Variants in IGSF11 observed in about 807,000 individuals in gnomAD.
IGSF11 encodes the protein CXADR like 1.
In IGSF11, 22 loss-of-function variants were observed where a neutral mutation model predicts 41.0. The observed-to-expected ratio is 0.54, with a 90% CI of 0.38 to 0.77. IGSF11 has a LOEUF of 0.77. IGSF11 is among the 30% of genes least tolerant of loss of function. The pLI is 0.00. For synonymous variants in IGSF11, 219 were observed against 201.3 expected (o/e 1.09, Z -0.74); for missense variants, 444 against 530.8 (o/e 0.84, Z 1.61).
chr3:119,121,723 A>G (rs1225566850), intron 1 of IGSF11, among the ~76,000 whole-genome samples: 1 of 152,216 alleles, frequency 6.6e-6, no homozygotes, highest in Non-Finnish European at 1.5e-5. Flanking sequence ...ATGAACTCCG[A>G]GTAGAATAAA....
intron 1 of IGSF11, among the ~76,000 whole-genome samples, chr3:118,955,039 C>T (rs1374833785): frequency 2.6e-5 from 4 of 152,132 alleles, no homozygotes; most frequent in African/African-American, 7.2e-5. Flanking sequence ...CCATTTGATC[C>T]AGCAATCCCA....
At chr3:119,142,274 C>CA (rs11328968) in intron 1 of IGSF11, among the ~76,000 whole-genome samples, 3,851 of 81,600 alleles carry the variant, frequency 0.047, 131 homozygotes, top group Non-Finnish European at 0.062. Context: ...GACTCCATCT[C>CA]AAAAAAAAAA....
At chr3:118,988,618 C>G (rs184226067) in intron 1 of IGSF11, among the ~76,000 whole-genome samples, 34 of 152,246 alleles carry the variant, frequency 2.2e-4, no homozygotes, top group Middle Eastern at 3.4e-3. Context: ...TGCATGGCAG[C>G]TGGCTGTCCT....
At chr3:118,960,039 C>T (rs1270396983) in intron 1 of IGSF11, among the ~76,000 whole-genome samples, 5 of 142,652 alleles carry the variant, frequency 3.5e-5, no homozygotes, top group East Asian at 2.0e-4. Flanking sequence ...AGCGAGACTC[C>T]GTCTCAAAAA....
At chr3:119,136,029 C>T (rs959717426) in intron 1 of IGSF11, among the ~76,000 whole-genome samples, 3 of 152,080 alleles carry the variant, frequency 2.0e-5, no homozygotes, top group Non-Finnish European at 4.4e-5. Context: ...CACTTGGACA[C>T]GGGGAAGGGA....
chr3:119,118,053 A>T (rs2077283156), intron 1 of IGSF11, among the ~76,000 whole-genome samples: 1 of 152,140 alleles, frequency 6.6e-6, no homozygotes, highest in African/African-American at 2.4e-5. Flanking sequence ...ACGGGCTGGC[A>T]TTGAATGTCT....
chr3:119,025,024 A>G (rs1355525608), intron 1 of IGSF11, among the ~76,000 whole-genome samples: 1 of 152,208 alleles, frequency 6.6e-6, no homozygotes, highest in African/African-American at 2.4e-5. Context: ...AATAAATTTT[A>G]AAAATAAGAC....
At chr3:119,090,091 T>C (rs1327063404) in intron 1 of IGSF11, among the ~76,000 whole-genome samples, 1 of 152,118 alleles carries the variant, frequency 6.6e-6, no homozygotes, top group Non-Finnish European at 1.5e-5. Flanking sequence ...AGCATTTCTA[T>C]ATACTGACAG....
chr3:119,105,040 A>G, intron 1 of IGSF11: 1 of 667,482 alleles, frequency 1.5e-6, no homozygotes, highest in East Asian at 2.7e-5. Flanking sequence ...TAGTAGGAGA[A>G]TATACATAGA....
At chr3:119,024,039 T>C (rs953229131) in intron 1 of IGSF11, among the ~76,000 whole-genome samples, 3 of 152,196 alleles carry the variant, frequency 2.0e-5, no homozygotes, top group African/African-American at 7.2e-5. Flanking sequence ...CTTGTCCAGC[T>C]CCCTGTAGCT....
intron 4 of IGSF11, among the ~76,000 whole-genome samples, chr3:118,912,499 G>T (rs1055553702): frequency 1.3e-5 from 2 of 152,134 alleles, no homozygotes; most frequent in African/African-American, 4.8e-5. Context: ...ACAGGGCCCA[G>T]CCGCCCGACC....
chr3:119,006,571 T>C (rs1937516146), intron 1 of IGSF11, among the ~76,000 whole-genome samples: 1 of 128,698 alleles, frequency 7.8e-6, no homozygotes, highest in African/African-American at 3.2e-5. Flanking sequence ...TTTTCTGTTC[T>C]GTTTTTTCCC....
intron 1 of IGSF11, among the ~76,000 whole-genome samples, chr3:119,116,313 G>A (rs2077255390): frequency 6.6e-6 from 1 of 151,910 alleles, no homozygotes; most frequent in East Asian, 1.9e-4. Flanking sequence ...TCTTGGACTG[G>A]AATTTATACC....
Position 118,908,228 on chromosome 3 carries a change from A to G in IGSF11, c.581-2510T>C, listed in dbSNP as rs200500376. Reference sequence around the variant, plus strand: ...AAACTGTAAAGACTCTTGCTTTGAAAAGTTATTTTTAAAAGGTGAAGTCAA... The same window carrying G: ...AAACTGTAAAGACTCTTGCTTTGAAGAGTTATTTTTAAAAGGTGAAGTCAA... On this transcript the variant is annotated intron_variant, in intron 4 of 6. Transcript: ENST00000393775. Among the ~76,000 whole-genome samples, 5 of 152,342 alleles carry G rather than the reference A, an allele frequency of 3.3e-5. No homozygotes were observed. In the East Asian group the frequency reaches 9.6e-4, roughly 29 times the overall value.
chr3:119,059,210 A>ACAC (rs1559843296), intron 1 of IGSF11, among the ~76,000 whole-genome samples: 9 of 143,430 alleles, frequency 6.3e-5, no homozygotes, highest in African/African-American at 2.4e-4. Flanking sequence ...CACACACACC[A>ACAC]CACCATGGAA....
intron 1 of IGSF11, among the ~76,000 whole-genome samples, chr3:118,997,879 A>G (rs1378614002): frequency 6.6e-6 from 1 of 152,162 alleles, no homozygotes; most frequent in Admixed American, 6.5e-5. Flanking sequence ...TGTACTGTTC[A>G]TGGCAAATGC....
At chr3:119,076,702 T>C (rs761785080) in intron 1 of IGSF11, among the ~76,000 whole-genome samples, 10 of 151,828 alleles carry the variant, frequency 6.6e-5, no homozygotes, top group East Asian at 1.9e-4. Context: ...CAAATCAAAA[T>C]CACAGTGAGA....
intron 1 of IGSF11, among the ~76,000 whole-genome samples, chr3:119,003,593 G>A (rs1937136028): frequency 6.6e-6 from 1 of 151,198 alleles, no homozygotes; most frequent in Non-Finnish European, 1.5e-5. Context: ...GATATTGGCT[G>A]TGGGTTTGTT....
intron 1 of IGSF11, among the ~76,000 whole-genome samples, chr3:119,004,767 G>A (rs569672929): frequency 1.8e-4 from 27 of 150,476 alleles, no homozygotes; most frequent in Admixed American, 1.5e-3. Flanking sequence ...ATGTAGTTGA[G>A]CGGCTTTGAG....
Sources: allele counts gnomAD v4.1 joint callset (sites outside exome capture counted in the v4.1 genomes callset), GRCh38; gene constraint gnomAD v4.1.1; transcripts MANE v1.5; gene names NCBI Gene and HGNC (gene_info 2026-07-23, HGNC 2026-07-21).